SLC13A1: variants seen among roughly 807,000 people sequenced by gnomAD.
The protein encoded by SLC13A1 is solute carrier family 13 member 1.
In SLC13A1, 65 loss-of-function variants were observed where a neutral mutation model predicts 70.0. That is an observed-to-expected ratio of 0.93 (90% CI 0.76 to 1.14). The LOEUF (loss-of-function observed/expected upper bound fraction) is 1.14. Ranked by LOEUF, SLC13A1 falls within the 50% of genes most tolerant of loss-of-function variation. The pLI, the probability that SLC13A1 is intolerant of heterozygous loss-of-function variation, is 0.00. For missense variants in SLC13A1, 726 were observed against 717.8 expected, an observed-to-expected ratio of 1.01 and a Z score of -0.13; for synonymous variants, 275 against 250.5, an observed-to-expected ratio of 1.10 and a Z score of -0.92.
chr7:123,146,966 T>C (rs1794375256), intron 7 of SLC13A1, among the ~76,000 whole-genome samples, 193 bp downstream of exon 7: 1 of 152,210 alleles, frequency 6.6e-6, no homozygotes, highest in Non-Finnish European at 1.5e-5. Context: ...TTGGCACAAG[T>C]TAATTCAGTA....
intron 7 of SLC13A1, among the ~76,000 whole-genome samples, chr7:123,146,808 A>G (rs1794369682): frequency 6.6e-6 from 1 of 152,118 alleles, no homozygotes; most frequent in African/African-American, 2.4e-5. Context: ...TGGTCCCCAA[A>G]CCCTACATAA....
intron 6 of SLC13A1, among the ~76,000 whole-genome samples, chr7:123,166,498 C>T (rs1795080234): frequency 6.6e-6 from 1 of 152,030 alleles, no homozygotes; most frequent in African/African-American, 2.4e-5. Flanking sequence ...AACCCAGTAA[C>T]TTGTCATTTA....
chr7:123,199,616 T>C (rs1461010082), intron 1 of SLC13A1, among the ~76,000 whole-genome samples: 1 of 152,054 alleles, frequency 6.6e-6, no homozygotes, highest in East Asian at 1.9e-4. Context: ...CAGAGAACAA[T>C]TCTGATTGAA....
chr7:123,136,020 G>A (rs1793938265), intron 7 of SLC13A1, among the ~76,000 whole-genome samples: 1 of 152,198 alleles, frequency 6.6e-6, no homozygotes, highest in Admixed American at 6.5e-5. Flanking sequence ...GAGAAAAGCT[G>A]ATTTCCCATT....
chr7:123,147,337 A>G (rs1454329959), intron 6 of SLC13A1, 27 bp from the exon 7 acceptor site: 3 of 1,609,914 alleles, frequency 1.9e-6, no homozygotes, highest in Middle Eastern at 1.7e-4. Context: ...AAAAACTACC[A>G]TGAGAACTGC....
In SLC13A1 at chr7:123,117,579, A is replaced by T. The variant is rs2116242583; in HGVS notation, c.1542T>A (p.Tyr514Ter). The part of the protein sequence containing the change: ...LAEAIHVNPL[Y>*]ILIPSTLCTS... ...TACACAGAGTAGAAGGTATCAGAAT[A>T]TAAAGAGGGTTCACATGAATGGCTT... The change falls in exon 14 of 15, where the codon TAT (tyrosine) becomes TAA (stop). Residue 514 changes from tyrosine to a stop codon, truncating the protein, a stop_gained. Transcript: ENST00000194130. LOFTEE classifies it high-confidence loss of function. 1 of 1,611,130 alleles carries T rather than the reference A, an allele frequency of 6.2e-7. No individual in the cohort carries two copies. Among genetic ancestry groups the T allele is most frequent in the African/African-American group, 1.3e-5 (1 of 74,958 alleles).
intron 2 of SLC13A1, among the ~76,000 whole-genome samples, chr7:123,175,560 C>G (rs1795419197): frequency 6.6e-6 from 1 of 152,064 alleles, no homozygotes; most frequent in South Asian, 2.1e-4. Flanking sequence ...GCTCCCTTGC[C>G]CCTTCCATCA....
In SLC13A1 at chr7:123,199,867, G is replaced by A; in HGVS notation, c.80C>T (p.Pro27Leu). 1 of 1,612,290 alleles carries A rather than the reference G, an allele frequency of 6.2e-7. No individual in the cohort carries two copies. Among genetic ancestry groups the A allele is most frequent in the Non-Finnish European group, 8.5e-7 (1 of 1,178,734 alleles). The change falls in exon 1 of 15, where the codon CCC (proline) becomes CTC (leucine). Residue 27 changes from proline to leucine, a missense_variant. Physicochemically the swap from Pro to Leu is moderately conservative, Grantham distance 98 (BLOSUM62 -3). Transcript: ENST00000194130. The part of the protein sequence containing the change: ...VFTVLVLLPL[P>L]IVLHTKEAEC... ...ACTCACCTTGGTGTGGAGGACGATGGGCAGAGGTAGTAAAACCAACACAGT... is the reference window on the plus strand; with the variant it reads ...ACTCACCTTGGTGTGGAGGACGATGAGCAGAGGTAGTAAAACCAACACAGT...
chr7:123,149,487 A>G, intron 6 of SLC13A1: 1 of 456,544 alleles, frequency 2.2e-6, no homozygotes, highest in Non-Finnish European at 4.4e-6. Context: ...CTGTGATGGT[A>G]CAAGTGGCAG....
intron 6 of SLC13A1, among the ~76,000 whole-genome samples, chr7:123,158,658 CAT>C (rs894871791): frequency 6.6e-6 from 1 of 151,806 alleles, no homozygotes; most frequent in Admixed American, 6.6e-5. Context: ...CACACACACA[CAT>C]ATACACACAC....
In SLC13A1 at chr7:123,178,654, T is replaced by A. The variant is rs1175176459; in HGVS notation, c.228+2319A>T. Among the ~76,000 whole-genome samples, 37 of 152,118 alleles carry A rather than the reference T, an allele frequency of 2.4e-4. 1 individual carries two copies. Among genetic ancestry groups the A allele is most frequent in the Admixed American group, 2.4e-3 (37 of 15,238 alleles). On this transcript the variant is annotated intron_variant, in intron 2 of 14. Coordinates refer to ENST00000194130, the MANE Select transcript of SLC13A1 (RefSeq NM_022444.4). The stretch of plus-strand genomic sequence containing the variant: ...GACTAAATCTCTAGCTCATTCATAA[T>A]AGATTGTAGCTTTGGTCAGCTAACT...
intron 8 of SLC13A1, among the ~76,000 whole-genome samples, chr7:123,133,718 G>C (rs1322787948): frequency 6.6e-6 from 1 of 151,934 alleles, no homozygotes; most frequent in African/African-American, 2.4e-5. Context: ...TTTTAGTAGA[G>C]ATGGGATTTC....
chr7:123,116,546 G>A (rs916733120), intron 14 of SLC13A1, among the ~76,000 whole-genome samples: 2 of 152,128 alleles, frequency 1.3e-5, no homozygotes, highest in African/African-American at 4.8e-5. Context: ...GATAACAGAT[G>A]CCCTCTTTCC....
intron 7 of SLC13A1, among the ~76,000 whole-genome samples, chr7:123,136,669 G>C (rs1485860291): frequency 6.6e-6 from 1 of 152,138 alleles, no homozygotes; most frequent in Non-Finnish European, 1.5e-5. Flanking sequence ...AGATTGACCT[G>C]GTCTGGGCTT....
intron 7 of SLC13A1, among the ~76,000 whole-genome samples, chr7:123,144,489 G>C (rs1176392314): frequency 6.6e-6 from 1 of 152,182 alleles, no homozygotes; most frequent in Non-Finnish European, 1.5e-5. Context: ...AGGGGGCTAA[G>C]TGGATTTCTC....
At chr7:123,133,353 G>C (rs895874782) in intron 8 of SLC13A1, among the ~76,000 whole-genome samples, 1 of 151,962 alleles carries the variant, frequency 6.6e-6, no homozygotes, top group Non-Finnish European at 1.5e-5. Context: ...AGCCCTATAG[G>C]TCACAGTGTA....
At chr7:123,173,641 T>G (rs1030099560) in intron 2 of SLC13A1, among the ~76,000 whole-genome samples, 2 of 152,188 alleles carry the variant, frequency 1.3e-5, no homozygotes, top group African/African-American at 2.4e-5. Context: ...AAATACTGTT[T>G]GTTTACGTGC....
intron 12 of SLC13A1, among the ~76,000 whole-genome samples, chr7:123,119,475 C>T (rs907958170): frequency 2.0e-5 from 3 of 151,792 alleles, no homozygotes; most frequent in Admixed American, 6.6e-5. Context: ...AATGTATTAC[C>T]ACTTTTTTCA....
chr7:123,127,196 A>C (rs2116300449), intron 10 of SLC13A1, among the ~76,000 whole-genome samples: 1 of 152,206 alleles, frequency 6.6e-6, no homozygotes, highest in South Asian at 2.1e-4. Flanking sequence ...TTATATTTTA[A>C]AATCCCATCC....
Sources: allele counts gnomAD v4.1 joint callset (sites outside exome capture counted in the v4.1 genomes callset), GRCh38; gene constraint gnomAD v4.1.1; transcripts MANE v1.5; gene names NCBI Gene and HGNC (gene_info 2026-07-23, HGNC 2026-07-21).